The following COL24A1 variants were observed in gnomAD, a reference collection of about 807,000 sequenced individuals.
COL24A1 encodes collagen type XXIV alpha 1 chain.
A neutral mutation model predicts 253.9 loss-of-function variants in COL24A1; 224 were observed. The ratio of observed to expected loss-of-function variants is 0.88; its 90% CI spans 0.79 to 0.99. COL24A1 has a LOEUF of 0.99. Among genes scored for constraint, COL24A1 ranks in the 50% least tolerant of loss-of-function variants. The pLI, the probability that COL24A1 is intolerant of heterozygous loss-of-function variation, is 0.00. For missense variants in COL24A1, 2,131 were observed against 2,068.5 expected, an observed-to-expected ratio of 1.03 and a Z score of -0.59; for synonymous variants, 685 against 673.7, an observed-to-expected ratio of 1.02 and a Z score of -0.26.
At chr1:85,925,989 C>T (rs1452406540) in intron 24 of COL24A1, among the ~76,000 whole-genome samples, 2 of 152,100 alleles carry the variant, frequency 1.3e-5, no homozygotes, top group African/African-American at 4.8e-5. Context: ...AAAAAACAAA[C>T]AACCCCATCA....
chr1:85,924,979 G>T (rs1016767414), intron 24 of COL24A1, among the ~76,000 whole-genome samples: 1 of 152,152 alleles, frequency 6.6e-6, no homozygotes, highest in African/African-American at 2.4e-5. Flanking sequence ...CAAAGTCTTA[G>T]GATACAAAAT....
chr1:86,008,472 C>A (rs1458214221), intron 19 of COL24A1, among the ~76,000 whole-genome samples: 3 of 152,062 alleles, frequency 2.0e-5, no homozygotes, highest in African/African-American at 4.8e-5. Context: ...GTATTGAACT[C>A]CTGGGCTCAA....
At chr1:85,882,761 C>G (rs990581713) in intron 32 of COL24A1, among the ~76,000 whole-genome samples, 2 of 152,096 alleles carry the variant, frequency 1.3e-5, no homozygotes, top group South Asian at 4.2e-4. Context: ...ATTATCTCAG[C>G]ATTTGCTTCA....
chr1:85,876,299 GGAT>G lies in COL24A1; in HGVS notation c.3030+820_3030+822del, dbSNP rs754409723. ...AAAGGAAATGGTCACTGATTTGAGA[GGAT>G]TAGGTAGAAGAAGGAGTCTAGGATG... On this transcript the variant is annotated intron_variant, in intron 33 of 59. Transcript: ENST00000370571. 2.5e-3 allele frequency among the ~76,000 whole-genome samples: 375 copies of G among 152,172 alleles called. 1 individual carries two copies. The highest frequency in any genetic ancestry group is 6.3e-3 in the African/African-American group (262 of 41,518).
intron 37 of COL24A1, among the ~76,000 whole-genome samples, chr1:85,857,858 G>A (rs1678636073): frequency 6.6e-6 from 1 of 152,134 alleles, no homozygotes; most frequent in Admixed American, 6.5e-5. Flanking sequence ...GAGCTTGTGA[G>A]GAAAACCAGA....
intron 21 of COL24A1, among the ~76,000 whole-genome samples, chr1:85,970,901 A>G (rs1191543403): frequency 2.0e-5 from 3 of 152,182 alleles, no homozygotes; most frequent in Non-Finnish European, 4.4e-5. Context: ...ATTCTATTCC[A>G]TAACTGGCAA....
At position 86,125,640 on chromosome 1, in the gene COL24A1, T is replaced by C. The variant is rs551961147; in HGVS notation, c.696A>G (p.Ala232=). The change falls in exon 3 of 60, where the codon GCA becomes GCG. Residue 232 remains alanine, a synonymous_variant. Coordinates refer to ENST00000370571, the MANE Select transcript of COL24A1 (RefSeq NM_152890.7). ...LDIIPSAEAS[A]DYCRYVKQQC... is the part of the protein sequence containing the mutation. ...GCTGTTTCACATATCTGCAGTAGTC[T>C]GCAGATGCTTCTGCAGAAGGAATAA... 1 of 1,612,920 alleles carries C rather than the reference T, an allele frequency of 6.2e-7. No individual in the cohort carries two copies. Among genetic ancestry groups the C allele is most frequent in the Admixed American group, 1.7e-5 (1 of 59,838 alleles).
At chr1:86,037,120 T>C (rs1699093935) in intron 12 of COL24A1, among the ~76,000 whole-genome samples, 1 of 152,208 alleles carries the variant, frequency 6.6e-6, no homozygotes, top group African/African-American at 2.4e-5. Context: ...GAATATGATG[T>C]TTCAGGAATT....
At chr1:86,151,020 T>C (rs1652686385) in intron 1 of COL24A1, among the ~76,000 whole-genome samples, 1 of 152,040 alleles carries the variant, frequency 6.6e-6, no homozygotes, top group African/African-American at 2.4e-5. Flanking sequence ...GCAAATTACT[T>C]AGCAAAATGT....
intron 51 of COL24A1, among the ~76,000 whole-genome samples, chr1:85,782,942 T>C (rs1669289067): frequency 6.6e-6 from 1 of 152,310 alleles, no homozygotes; most frequent in Admixed American, 6.5e-5. Context: ...ACTGGTGGCT[T>C]ATTTGTCCTA....
intron 59 of COL24A1, among the ~76,000 whole-genome samples, chr1:85,734,235 C>A (rs1663811091): frequency 6.6e-6 from 1 of 152,026 alleles, no homozygotes; most frequent in Non-Finnish European, 1.5e-5. Flanking sequence ...AAAAAATAGG[C>A]CAGAATTCAA....
chr1:85,803,356 G>C (rs569889556), intron 47 of COL24A1, among the ~76,000 whole-genome samples: 1 of 151,588 alleles, frequency 6.6e-6, no homozygotes, highest in African/African-American at 2.4e-5. Flanking sequence ...CTTGAACTCG[G>C]GAGGTGGAGG....
intron 20 of COL24A1, among the ~76,000 whole-genome samples, chr1:85,984,713 AC>A (rs1458469150): frequency 6.6e-6 from 1 of 151,786 alleles, no homozygotes; most frequent in African/African-American, 2.4e-5. Flanking sequence ...AACCTGGTTT[AC>A]CGCGAACTAT....
upstream of COL24A1, chr1:86,156,801 G>A (rs571004497): frequency 5.5e-4 from 87 of 157,304 alleles, no homozygotes; most frequent in East Asian, 0.016. Context: ...CCTGGGAGGA[G>A]AAAGGGGTGG....
At chr1:85,784,699 T>C (rs1215820424) in intron 48 of COL24A1, among the ~76,000 whole-genome samples, 1 of 152,014 alleles carries the variant, frequency 6.6e-6, no homozygotes, top group Non-Finnish European at 1.5e-5. Flanking sequence ...GGTGTGTTTA[T>C]ATGTGATGGA....
chr1:85,854,671 A>G (rs769157395), intron 37 of COL24A1, among the ~76,000 whole-genome samples: 16 of 150,442 alleles, frequency 1.1e-4, no homozygotes, highest in Non-Finnish European at 2.4e-4. Context: ...CTAATTGTAG[A>G]GATCTTTCAC....
chr1:85,771,934 T>C (rs1350065184), intron 53 of COL24A1, among the ~76,000 whole-genome samples: 6 of 147,242 alleles, frequency 4.1e-5, no homozygotes. Flanking sequence ...TATCTCCCAA[T>C]GCTATCCCTC....
chr1:86,056,465 C>T, intron 10 of COL24A1, among the ~76,000 whole-genome samples: 1 of 152,168 alleles, frequency 6.6e-6, no homozygotes, highest in East Asian at 1.9e-4. Flanking sequence ...GAATAAAATA[C>T]ATATGAAAGT....
At chr1:85,824,975 AG>A (rs1285235607) in intron 43 of COL24A1, among the ~76,000 whole-genome samples, 8 of 151,410 alleles carry the variant, frequency 5.3e-5, no homozygotes, top group Admixed American at 2.6e-4. Context: ...CACAATGTGC[AG>A]GTTAGTTACA....
Sources: allele counts gnomAD v4.1 joint callset (sites outside exome capture counted in the v4.1 genomes callset), GRCh38; gene constraint gnomAD v4.1.1; transcripts MANE v1.5; gene names NCBI Gene and HGNC (gene_info 2026-07-23, HGNC 2026-07-21).